Variants in BMPR1B observed in about 807,000 individuals in gnomAD.
BMPR1B encodes the protein bone morphogenetic protein receptor type 1B.
In BMPR1B, 12 loss-of-function variants were observed where a neutral mutation model predicts 59.1. That is an observed-to-expected ratio of 0.20 (90% CI 0.13 to 0.33). The LOEUF is 0.33. BMPR1B is among the 10% of genes least tolerant of loss of function. BMPR1B has a pLI of 1.00. For synonymous variants in BMPR1B, 237 were observed against 207.3 expected, an observed-to-expected ratio of 1.14 and a Z score of -1.23; for missense variants, 550 against 610.9, an observed-to-expected ratio of 0.90 and a Z score of 1.05.
At chr4:94,898,821 T>G (rs765600837) in intron 2 of BMPR1B, among the ~76,000 whole-genome samples, 4 of 152,064 alleles carry the variant, frequency 2.6e-5, no homozygotes, top group Non-Finnish European at 4.4e-5. Flanking sequence ...GGTCCCTCTC[T>G]CTCAAATTTA....
chr4:94,889,242 C>G (rs1241201090), intron 2 of BMPR1B, among the ~76,000 whole-genome samples: 2 of 151,946 alleles, frequency 1.3e-5, no homozygotes, highest in African/African-American at 4.8e-5. Flanking sequence ...TTTTTGTCTT[C>G]CTATATTTTT....
rs367732626 is a variant in BMPR1B, at chr4:95,039,000, G to A, written c.-18+42866G>A. ...TCACTTTTCAGCTGGGTGTTTGGCGGTACAGACATAACCACATAAGAGTTC... is the reference window on the plus strand; with the variant it reads ...TCACTTTTCAGCTGGGTGTTTGGCGATACAGACATAACCACATAAGAGTTC... On this transcript the variant is annotated intron_variant, in intron 3 of 12. Coordinates refer to ENST00000515059, the MANE Select transcript of BMPR1B (RefSeq NM_001203.3). 2.8e-4 allele frequency among the ~76,000 whole-genome samples: 43 copies of A among 152,270 alleles called. No homozygotes were observed. The South Asian group carries it at 7.5e-3, about 26-fold the overall frequency.
chr4:94,852,933 A>T (rs1725620153), intron 1 of BMPR1B, among the ~76,000 whole-genome samples: 1 of 152,154 alleles, frequency 6.6e-6, no homozygotes, highest in South Asian at 2.1e-4. Flanking sequence ...TGGGATTTAG[A>T]CAAAGAAATA....
At chr4:94,789,803 TA>T (rs70946547) in intron 1 of BMPR1B, among the ~76,000 whole-genome samples, 46,895 of 151,876 alleles carry the variant, frequency 0.31, 7,927 homozygotes, top group African/African-American at 0.44. Flanking sequence ...ATATAGCTTA[TA>T]AAAAATATAC....
At position 94,929,807 on chromosome 4, in the gene BMPR1B, A is replaced by G. The variant is rs138571445; in HGVS notation, c.-113+53907A>G. Among the ~76,000 whole-genome samples, 1,406 of 152,120 alleles carry G rather than the reference A, an allele frequency of 9.2e-3. 18 individuals carry two copies. Among genetic ancestry groups the G allele is most frequent in the African/African-American group, 0.031 (1,308 of 41,524 alleles). ...TGATTTCTGCACGTCTCCACTTGGAATGATAAACAAGAACTTCAAGCTTGA... is the reference window on the plus strand; with the variant it reads ...TGATTTCTGCACGTCTCCACTTGGAGTGATAAACAAGAACTTCAAGCTTGA... On this transcript the variant is annotated intron_variant, in intron 2 of 12. Transcript: ENST00000515059.
At chr4:95,072,769 TAATA>T (rs1728408852) in intron 3 of BMPR1B, among the ~76,000 whole-genome samples, 1 of 152,156 alleles carries the variant, frequency 6.6e-6, no homozygotes, top group African/African-American at 2.4e-5. Context: ...GGTAGAATAA[TAATA>T]AAGTAATAAA....
chr4:94,791,529 A>G (rs1722988630), intron 1 of BMPR1B, among the ~76,000 whole-genome samples: 1 of 152,214 alleles, frequency 6.6e-6, no homozygotes. Context: ...AAAATATTCT[A>G]ATCACTTGCA....
chr4:94,835,731 C>G (rs2148928402), intron 1 of BMPR1B, among the ~76,000 whole-genome samples: 1 of 152,018 alleles, frequency 6.6e-6, no homozygotes, highest in African/African-American at 2.4e-5. Flanking sequence ...GTAAGATTTC[C>G]AGCCATTTAG....
At chr4:94,982,315 A>AAAAC (rs536568909) in intron 2 of BMPR1B, among the ~76,000 whole-genome samples, 11 of 151,800 alleles carry the variant, frequency 7.2e-5, no homozygotes, top group African/African-American at 2.7e-4. Flanking sequence ...AAAAAAAAAC[A>AAAAC]AAACAAACAA....
At chr4:95,137,691 A>G (rs879628434) in intron 10 of BMPR1B, among the ~76,000 whole-genome samples, 40 of 151,394 alleles carry the variant, frequency 2.6e-4, no homozygotes, top group Admixed American at 2.6e-3. Context: ...GATCTTTGTT[A>G]GTTTAAAGTC....
intron 1 of BMPR1B, among the ~76,000 whole-genome samples, chr4:94,782,294 T>C (rs949580088): frequency 1.3e-5 from 2 of 150,252 alleles, no homozygotes; most frequent in Non-Finnish European, 2.9e-5. Context: ...CAGTTTTGCA[T>C]ATCAGTTATT....
chr4:95,019,896 G>T (rs1206129501), intron 3 of BMPR1B, among the ~76,000 whole-genome samples: 1 of 151,938 alleles, frequency 6.6e-6, no homozygotes, highest in African/African-American at 2.4e-5. Context: ...TTTTAATTGG[G>T]GTATATTTTT....
chr4:95,131,471 T>G lies in BMPR1B; in HGVS notation c.1035T>G (p.Thr345=), dbSNP rs760647140. The change falls in exon 10 of 13, where the codon ACT becomes ACG. Residue 345 remains threonine, a synonymous_variant. Coordinates refer to ENST00000515059, the MANE Select transcript of BMPR1B (RefSeq NM_001203.3). ...SKNILVKKNG[T]CCIADLGLAV... is the part of the protein sequence containing the mutation. The stretch of plus-strand genomic sequence containing the variant: ...ACATTCTGGTGAAGAAAAATGGAAC[T>G]TGCTGTATTGCTGACCTGGGCCTGG... The G allele has an allele frequency of 6.8e-5, 110 of 1,613,996 alleles. No individual in the cohort carries two copies. Among genetic ancestry groups the G allele is most frequent in the Middle Eastern group, 1.6e-4 (1 of 6,082 alleles).
At chr4:94,975,819 T>C (rs2149082112) in intron 2 of BMPR1B, among the ~76,000 whole-genome samples, 1 of 152,344 alleles carries the variant, frequency 6.6e-6, no homozygotes, top group Admixed American at 6.5e-5. Context: ...TTTTACCAGG[T>C]ATCTATTGCT....
intron 2 of BMPR1B, among the ~76,000 whole-genome samples, chr4:94,970,301 CT>C (rs1344109042): frequency 0.027 from 1,623 of 60,724 alleles, 33 homozygotes; most frequent in African/African-American, 0.037. Flanking sequence ...CTTCTCTTCT[CT>C]TCTTTCTCTC....
intron 2 of BMPR1B, among the ~76,000 whole-genome samples, chr4:94,906,468 T>G (rs1578786823): frequency 6.6e-6 from 1 of 152,112 alleles, no homozygotes; most frequent in South Asian, 2.1e-4. Flanking sequence ...GTAAAAACAT[T>G]TTATGACTGG....
At chr4:95,031,031 A>C (rs1221129024) in intron 3 of BMPR1B, among the ~76,000 whole-genome samples, 1 of 151,934 alleles carries the variant, frequency 6.6e-6, no homozygotes, top group Non-Finnish European at 1.5e-5. Context: ...TTTAAAGTTC[A>C]TATGGAACCA....
chr4:94,883,674 T>C (rs1371260472), intron 2 of BMPR1B, among the ~76,000 whole-genome samples: 3 of 152,078 alleles, frequency 2.0e-5, no homozygotes, highest in Non-Finnish European at 4.4e-5. Flanking sequence ...GTGCTAATAA[T>C]TATTTAGTCC....
At chr4:94,953,564 A>G (rs960299197) in intron 2 of BMPR1B, among the ~76,000 whole-genome samples, 13 of 151,542 alleles carry the variant, frequency 8.6e-5, no homozygotes, top group Admixed American at 5.9e-4. Flanking sequence ...AAAATTCTTT[A>G]AGAATGTTGA....
Sources: allele counts gnomAD v4.1 joint callset (sites outside exome capture counted in the v4.1 genomes callset), GRCh38; gene constraint gnomAD v4.1.1; transcripts MANE v1.5; gene names NCBI Gene and HGNC (gene_info 2026-07-23, HGNC 2026-07-21).